Variants in PLCB4 observed in about 807,000 individuals in gnomAD.
PLCB4 encodes 1-phosphatidylinositol 4,5-bisphosphate phosphodiesterase beta-4.
In PLCB4, 77 loss-of-function variants were observed where a neutral mutation model predicts 178.8. The ratio of observed to expected loss-of-function variants is 0.43; its 90% CI spans 0.36 to 0.52. The LOEUF is 0.52. PLCB4 is among the 20% of genes least tolerant of loss of function. The pLI is 0.00. For missense variants in PLCB4, 1,024 were observed against 1,453.4 expected, an observed-to-expected ratio of 0.70 and a Z score of 4.80; for synonymous variants, 496 against 490.8, an observed-to-expected ratio of 1.01 and a Z score of -0.14.
intron 7 of PLCB4, among the ~76,000 whole-genome samples, chr20:9,357,859 C>A (rs1167269011): frequency 6.6e-6 from 1 of 152,124 alleles, no homozygotes; most frequent in African/African-American, 2.4e-5. Flanking sequence ...AGACAAAAAC[C>A]AAACTCACAT....
Position 9,395,385 on chromosome 20 carries a change from T to C in PLCB4, c.1415-138T>C, listed in dbSNP as rs76238733. On this transcript the variant is annotated intron_variant, in intron 18 of 39. Coordinates refer to ENST00000378473, the MANE Select transcript of PLCB4 (RefSeq NM_001377142.1). ...GCGAGAGAGAGATCACTGCTGAACCTTAGAAACATGGTGCCTTGGTGCCTG... is the reference window on the plus strand; with the variant it reads ...GCGAGAGAGAGATCACTGCTGAACCCTAGAAACATGGTGCCTTGGTGCCTG... The C allele has an allele frequency of 8.5e-4, 535 of 628,834 alleles. 3 individuals are homozygous for C. In the African/African-American group the frequency reaches 8.8e-3, roughly 10 times the overall value. 39.0% of individuals were successfully genotyped at this position (628,834 alleles called of 1,614,324 possible). A position where few individuals can be genotyped will look rare whatever the true frequency, so the allele number is the denominator to read the frequency against.
intron 8 of PLCB4, among the ~76,000 whole-genome samples, chr20:9,364,254 G>T (rs901657296): frequency 6.6e-6 from 1 of 152,132 alleles, no homozygotes; most frequent in Non-Finnish European, 1.5e-5. Context: ...GTCCTAAAGG[G>T]TCAAAAACTT....
chr20:9,449,160 A>T (rs115488424), intron 32 of PLCB4, among the ~76,000 whole-genome samples: 3,158 of 152,272 alleles, frequency 0.021, 95 homozygotes, highest in African/African-American at 0.072. Flanking sequence ...TGAGACACAG[A>T]AAAAGGAGAA....
intron 3 of PLCB4, among the ~76,000 whole-genome samples, chr20:9,299,772 A>AT: frequency 6.6e-6 from 1 of 152,160 alleles, no homozygotes; most frequent in African/African-American, 2.4e-5. Context: ...TTGTGCATAG[A>AT]TTTTGTACAC....
chr20:9,111,960 T>C (rs1315182465), intron 2 of PLCB4, among the ~76,000 whole-genome samples: 3 of 152,162 alleles, frequency 2.0e-5, no homozygotes, highest in Non-Finnish European at 4.4e-5. Flanking sequence ...TACTATCACC[T>C]TTTTTCAAGG....
chr20:9,448,697 A>G (rs2299682), intron 32 of PLCB4, among the ~76,000 whole-genome samples: 14,176 of 151,822 alleles, frequency 0.093, 820 homozygotes, highest in East Asian at 0.3. Context: ...TCTTTTTCCA[A>G]TGTGGCCCAA....
chr20:9,458,246 T>A (rs2043177603), intron 34 of PLCB4, among the ~76,000 whole-genome samples: 1 of 152,210 alleles, frequency 6.6e-6, no homozygotes, highest in Non-Finnish European at 1.5e-5. Flanking sequence ...ATGTTCAAGA[T>A]GTTCTTGGTA....
chr20:9,177,739 T>C (rs1417785557), intron 2 of PLCB4, among the ~76,000 whole-genome samples: 1 of 152,206 alleles, frequency 6.6e-6, no homozygotes, highest in Admixed American at 6.5e-5. Context: ...TGGGCCTAAA[T>C]GAAAATATTC....
At chr20:9,255,233 C>T (rs1011991899) in intron 3 of PLCB4, among the ~76,000 whole-genome samples, 2 of 152,200 alleles carry the variant, frequency 1.3e-5, no homozygotes, top group Non-Finnish European at 2.9e-5. Context: ...TTTGAAAACA[C>T]TCAGAGAAAA....
At chr20:9,269,326 G>A (rs1180033796) in intron 3 of PLCB4, among the ~76,000 whole-genome samples, 1 of 152,194 alleles carries the variant, frequency 6.6e-6, no homozygotes, top group Non-Finnish European at 1.5e-5. Flanking sequence ...TTCAGGAATG[G>A]AGAAGATGCC....
chr20:9,434,094 A>C (rs1002955451), intron 28 of PLCB4, among the ~76,000 whole-genome samples: 3 of 152,236 alleles, frequency 2.0e-5, no homozygotes, highest in African/African-American at 7.2e-5. Flanking sequence ...TGGTTAAAGA[A>C]ATTATCACCA....
At chr20:9,301,625 A>G (rs1010947825) in intron 3 of PLCB4, among the ~76,000 whole-genome samples, 2 of 152,136 alleles carry the variant, frequency 1.3e-5, no homozygotes, top group African/African-American at 2.4e-5. Context: ...AGAAGGCCAT[A>G]TTTATGGGTA....
chr20:9,468,405 T>C (rs1355898459), intron 35 of PLCB4, among the ~76,000 whole-genome samples, 166 bp from the exon 36 acceptor site: 1 of 152,224 alleles, frequency 6.6e-6, no homozygotes, highest in African/African-American at 2.4e-5. Context: ...AACTTTACTG[T>C]TGTAACCATT....
At chr20:9,268,237 G>T (rs1601524969) in intron 3 of PLCB4, among the ~76,000 whole-genome samples, 1 of 152,218 alleles carries the variant, frequency 6.6e-6, no homozygotes, top group East Asian at 1.9e-4. Flanking sequence ...TGAGACAAAG[G>T]TAACTTTTTG....
intron 34 of PLCB4, 125 bp from the exon 35 acceptor site, chr20:9,459,510 G>A (rs922151338): frequency 1.2e-5 from 7 of 568,690 alleles, no homozygotes; most frequent in East Asian, 2.8e-5. Context: ...GGTGGTTATA[G>A]GTGTCTCATG....
chr20:9,128,821 C>T (rs1297066339), intron 2 of PLCB4, among the ~76,000 whole-genome samples: 1 of 152,132 alleles, frequency 6.6e-6, no homozygotes, highest in Non-Finnish European at 1.5e-5. Flanking sequence ...TGAACAGAAA[C>T]CTCCATTCCT....
chr20:9,462,830 T>G (rs2043492354), intron 35 of PLCB4, among the ~76,000 whole-genome samples: 2 of 152,172 alleles, frequency 1.3e-5, no homozygotes, highest in African/African-American at 4.8e-5. Flanking sequence ...GGAACCAAGT[T>G]GGAAAACACT....
intron 9 of PLCB4, chr20:9,370,933 T>G: frequency 2.2e-5 from 6 of 269,750 alleles, no homozygotes; most frequent in Non-Finnish European, 2.8e-5. Flanking sequence ...AAAAAATAAA[T>G]GTGTGTCCCT....
chr20:9,408,243 C>T lies in PLCB4; in HGVS notation c.1789+185C>T, dbSNP rs535920700. Among the ~76,000 whole-genome samples, 159 of 152,244 alleles carry T rather than the reference C, an allele frequency of 1.0e-3. 1 individual carries two copies. Among genetic ancestry groups the T allele is most frequent in the Admixed American group, 7.2e-4 (11 of 15,282 alleles). Reference sequence around the variant, plus strand: ...TGTGGTGACATTACATTGTCATTCACGACTTCAACCACAAGGTGGCGATGA... The same window carrying T: ...TGTGGTGACATTACATTGTCATTCATGACTTCAACCACAAGGTGGCGATGA... On this transcript the variant is annotated intron_variant, in intron 22 of 39. Coordinates refer to ENST00000378473, the MANE Select transcript of PLCB4 (RefSeq NM_001377142.1).
Sources: allele counts gnomAD v4.1 joint callset (sites outside exome capture counted in the v4.1 genomes callset), GRCh38; gene constraint gnomAD v4.1.1; transcripts MANE v1.5; gene names NCBI Gene and HGNC (gene_info 2026-07-23, HGNC 2026-07-21).